WEE1: variants seen among roughly 807,000 people sequenced by gnomAD.
The protein encoded by WEE1 is wee1-like protein kinase.
A neutral mutation model predicts 68.8 loss-of-function variants in WEE1; 16 were observed. That is an observed-to-expected ratio of 0.23 (90% confidence interval 0.16 to 0.35). The LOEUF is 0.35. WEE1 is among the 10% of genes least tolerant of loss of function. WEE1 has a pLI of 1.00. For synonymous variants in WEE1, 349 were observed against 318.7 expected (o/e 1.09, Z -1.01); for missense variants, 651 against 824.1 (o/e 0.79, Z 2.57).
chr11:9,583,388 G>A (rs1342928577), intron 6 of WEE1, among the ~76,000 whole-genome samples: 1 of 152,010 alleles, frequency 6.6e-6, no homozygotes, highest in Non-Finnish European at 1.5e-5. Context: ...GCTGAGGCGG[G>A]TGGATTGCCT....
rs1319947021 is a variant in WEE1, at chr11:9,574,015, T to C, written c.82T>C (p.Ser28Pro). The C allele has an allele frequency of 7.8e-7, 1 of 1,285,200 alleles. No individual in the cohort carries two copies. Among genetic ancestry groups the C allele is most frequent in the Non-Finnish European group, 9.8e-7 (1 of 1,015,320 alleles). 79.6% of individuals were successfully genotyped at this position (1,285,200 alleles called of 1,614,324 possible). A position where few individuals can be genotyped will look rare whatever the true frequency, so the allele number is the denominator to read the frequency against. Reference sequence around the variant, plus strand: ...CACCTTGCGGCAGAAGCTGATCTTCTCGCCCTGCAGCGACTGTGAGGAGGA... The same window carrying C: ...CACCTTGCGGCAGAAGCTGATCTTCCCGCCCTGCAGCGACTGTGAGGAGGA... Reference protein sequence around the residue: ...ACTLRQKLIFSPCSDCEEEEE... With the variant: ...ACTLRQKLIFPPCSDCEEEEE... Residue 28 changes from serine to proline, a missense_variant, in exon 1 of 11, where the codon TCG (serine) becomes CCG (proline). Coordinates refer to ENST00000450114, the MANE Select transcript of WEE1 (RefSeq NM_003390.4). The surrounding 1 kb of genome is among the most constrained non-coding windows in gnomAD (Gnocchi z 4.9).
In WEE1 at chr11:9,588,818, A is replaced by AC. The variant is rs1849731059; in HGVS notation, c.*217dup. On this transcript the variant is annotated 3_prime_UTR_variant, in exon 11 of 11. Coordinates refer to ENST00000450114, the MANE Select transcript of WEE1 (RefSeq NM_003390.4). The stretch of plus-strand genomic sequence containing the variant: ...CAGTCTGTCTTCTGTAGGATGTGTC[A>AC]CTGTTGGATGTTACACCAGCCTTTC... 1 of 1,147,678 alleles carries AC rather than the reference A, an allele frequency of 8.7e-7. No individual in the cohort carries two copies. The highest frequency in any genetic ancestry group is 1.6e-5 in the African/African-American group (1 of 62,000). The allele number at this position is 1,147,678 out of a possible 1,614,324, so 71.1% of individuals were successfully genotyped here.
chr11:9,583,320 G>GA (rs1327764629), intron 6 of WEE1, among the ~76,000 whole-genome samples: 16 of 141,740 alleles, frequency 1.1e-4, no homozygotes, highest in East Asian at 8.5e-4. Flanking sequence ...CTCAAAAAAA[G>GA]AAAAAAAAAA....
At position 9,576,109 on chromosome 11, in the gene WEE1, AAC is replaced by A; in HGVS notation, c.782+18_782+19del. 1 of 1,613,498 alleles carries A rather than the reference AAC, an allele frequency of 6.2e-7. No homozygotes were observed. Among genetic ancestry groups the A allele is most frequent in the Non-Finnish European group, 8.5e-7 (1 of 1,179,520 alleles). ...ATTGGAATGAGTAAGTCGTTTATTT[AAC>A]AGTTTGGTTCTCCAAATAACCTAAG... On this transcript the variant is annotated intron_variant, in intron 2 of 10. Coordinates refer to ENST00000450114, the MANE Select transcript of WEE1 (RefSeq NM_003390.4). The surrounding 1 kb of genome is among the most constrained non-coding windows in gnomAD (Gnocchi z 4.3).
chr11:9,576,434 A>G lies in WEE1; in HGVS notation c.847-53A>G. ...CATAGCCCTATCACCATAGCAAGAA[A>G]TAACTGTTTTCGTATATTTGTATTA... On this transcript the variant is annotated intron_variant, in intron 3 of 10. Coordinates refer to ENST00000450114, the MANE Select transcript of WEE1 (RefSeq NM_003390.4). This position sits in a 1 kb window ranked among gnomAD's most constrained non-coding sequence, Gnocchi z 4.3. 2 of 1,585,002 alleles carry G rather than the reference A, an allele frequency of 1.3e-6. No homozygotes were observed. The highest frequency in any genetic ancestry group is 1.2e-5 in the South Asian group (1 of 86,532).
At position 9,576,216 on chromosome 11, in the gene WEE1, A is replaced by C; in HGVS notation, c.783-14A>C. 2 of 1,545,432 alleles carry C rather than the reference A, an allele frequency of 1.3e-6. No homozygotes were observed. The highest frequency in any genetic ancestry group is 1.8e-6 in the Non-Finnish European group (2 of 1,138,180). Reference sequence around the variant, plus strand: ...CTGTCAGATATATTGATAGAAAAATAACATTTTTTTTAGTTCCTGTGGTGA... The same window carrying C: ...CTGTCAGATATATTGATAGAAAAATCACATTTTTTTTAGTTCCTGTGGTGA... On this transcript the variant is annotated splice_polypyrimidine_tract_variant and intron_variant, in intron 2 of 10. Coordinates refer to ENST00000450114, the MANE Select transcript of WEE1 (RefSeq NM_003390.4). The surrounding 1 kb of genome is among the most constrained non-coding windows in gnomAD (Gnocchi z 4.3).
At chr11:9,583,782 CACACACACACACACACACACAT>C (rs1849661684) in intron 6 of WEE1, among the ~76,000 whole-genome samples, 18 of 31,890 alleles carry the variant, frequency 5.6e-4, no homozygotes, top group East Asian at 3.9e-3. Flanking sequence ...CACACACACA[CACACACACACACACACACACAT>C]ATATATATAT....
intron 5 of WEE1, chr11:9,577,524 G>C (rs576190095): frequency 2.3e-4 from 95 of 409,154 alleles, no homozygotes; most frequent in African/African-American, 1.8e-3. Context: ...CTATGGCCTC[G>C]ACACATATAT....
At chr11:9,580,652 T>C (rs1194722043) in intron 5 of WEE1, 1 of 152,058 alleles carries the variant, frequency 6.6e-6, no homozygotes, top group East Asian at 1.9e-4. Context: ...GAAACGGGGT[T>C]TCGCCATGTT....
rs1226701639 is a variant in WEE1 at position 9,574,379 on chromosome 11, C to G, written c.446C>G (p.Ala149Gly). The G allele has an allele frequency of 9.0e-6, 11 of 1,220,624 alleles. No homozygotes were observed. Among genetic ancestry groups the G allele is most frequent in the Non-Finnish European group, 1.1e-5 (11 of 983,410 alleles). 75.6% of individuals were successfully genotyped at this position (1,220,624 alleles called of 1,614,324 possible). A position where few individuals can be genotyped will look rare whatever the true frequency, so the allele number is the denominator to read the frequency against. ...SPVRCGGPGD[A>G]SPRGCGARRA... ...GTGCGCTGCGGCGGCCCAGGAGATGCGTCGCCGCGGGGTTGCGGGGCGCGC... is the reference window on the plus strand; with the variant it reads ...GTGCGCTGCGGCGGCCCAGGAGATGGGTCGCCGCGGGGTTGCGGGGCGCGC... Residue 149 changes from alanine to glycine, a missense_variant, in exon 1 of 11, where the codon GCG becomes GGG. Around this residue, in one of 5 missense-constraint regions of WEE1, gnomAD observed 395 missense variants for 378.4 expected, o/e 1.04. Coordinates refer to ENST00000450114, the MANE Select transcript of WEE1 (RefSeq NM_003390.4). The surrounding 1 kb of genome is among the most constrained non-coding windows in gnomAD (Gnocchi z 4.9).
At chr11:9,587,152 G>T (rs1849709799) in intron 10 of WEE1, among the ~76,000 whole-genome samples, 1 of 152,050 alleles carries the variant, frequency 6.6e-6, no homozygotes, top group Non-Finnish European at 1.5e-5. Flanking sequence ...TAGAGATGGG[G>T]TTTTTGCCAT....
intron 6 of WEE1, among the ~76,000 whole-genome samples, chr11:9,582,826 A>T (rs976487363): frequency 1.3e-5 from 2 of 152,114 alleles, no homozygotes; most frequent in African/African-American, 2.4e-5. Context: ...TGGCCTCCCA[A>T]AGTGCTGAGA....
intron 6 of WEE1, among the ~76,000 whole-genome samples, chr11:9,583,626 A>C (rs1351177325): frequency 2.0e-5 from 3 of 150,794 alleles, no homozygotes; most frequent in Non-Finnish European, 4.4e-5. Flanking sequence ...AAAAAAAAAA[A>C]AAAACCTTCC....
In WEE1 at chr11:9,574,671, G is replaced by T. The variant is rs1565086750; in HGVS notation, c.576+162G>T. 9.1e-7 allele frequency: 1 copy of T among 1,104,470 alleles called. No homozygotes were observed. Among genetic ancestry groups the T allele is most frequent in the African/African-American group, 1.7e-5 (1 of 60,252 alleles). 68.4% of individuals were successfully genotyped at this position (1,104,470 alleles called of 1,614,324 possible). On this transcript the variant is annotated intron_variant, in intron 1 of 10. Coordinates refer to ENST00000450114, the MANE Select transcript of WEE1 (RefSeq NM_003390.4). The surrounding 1 kb of genome is among the most constrained non-coding windows in gnomAD (Gnocchi z 4.9). ...CCCTTGTGTTTGGCCCTGCCCCGAG[G>T]TTGTCCGTTGAGATTATGTAACTGA...
chr11:9,573,779 A>T lies in WEE1; in HGVS notation c.-155A>T. On this transcript the variant is annotated 5_prime_UTR_variant, in exon 1 of 11. Coordinates refer to ENST00000450114, the MANE Select transcript of WEE1 (RefSeq NM_003390.4). ...CGCTGCCGCCACCGTCCGCAGCCCGAGCGCCCCGGAGCCGCAGGCCGCCGC... is the reference window on the plus strand; with the variant it reads ...CGCTGCCGCCACCGTCCGCAGCCCGTGCGCCCCGGAGCCGCAGGCCGCCGC... 1 of 462,246 alleles carries T rather than the reference A, an allele frequency of 2.2e-6. No individual in the cohort carries two copies. Among genetic ancestry groups the T allele is most frequent in the Non-Finnish European group, 3.1e-6 (1 of 326,690 alleles). 28.6% of individuals were successfully genotyped at this position (462,246 alleles called of 1,614,324 possible). A position where few individuals can be genotyped will look rare whatever the true frequency, so the allele number is the denominator to read the frequency against.
intron 8 of WEE1, 37 bp downstream of exon 8, chr11:9,585,564 TA>T (rs775950178): frequency 1.8e-5 from 27 of 1,476,278 alleles, no homozygotes; most frequent in Non-Finnish European, 2.4e-5. Context: ...GTTTGCTTTG[TA>T]ACACTTAGCA....
In WEE1 at chr11:9,574,480, C is replaced by T; in HGVS notation, c.547C>T (p.Arg183Ter). The T allele has an allele frequency of 1.6e-6, 2 of 1,258,172 alleles. No homozygotes were observed. Among genetic ancestry groups the T allele is most frequent in the African/African-American group, 1.6e-5 (1 of 63,364 alleles). The allele number at this position is 1,258,172 out of a possible 1,614,324, so 77.9% of individuals were successfully genotyped here. The change falls in exon 1 of 11, where the codon CGA (arginine) becomes TGA (stop). Residue 183 changes from arginine to a stop codon, truncating the protein, a stop_gained. Coordinates refer to ENST00000450114, the MANE Select transcript of WEE1 (RefSeq NM_003390.4). LOFTEE classifies it high-confidence loss of function. The surrounding 1 kb of genome is among the most constrained non-coding windows in gnomAD (Gnocchi z 4.9). Reference protein sequence around the residue: ...TPPHKTFRKLRLFDTPHTPKS... With the variant: ...TPPHKTFRKL ...GCCACACAAGACCTTCCGCAAGCTG[C>T]GACTCTTCGACACCCCGCACACGCC...
In WEE1 at chr11:9,588,624, C is replaced by G; in HGVS notation, c.*22C>G. 5 of 1,506,788 alleles carry G rather than the reference C, an allele frequency of 3.3e-6. No individual in the cohort carries two copies. Among genetic ancestry groups the G allele is most frequent in the South Asian group, 1.3e-5 (1 of 74,312 alleles). The allele number at this position is 1,506,788 out of a possible 1,614,324, so 93.3% of individuals were successfully genotyped here. ...CTGAGCTACTCCTTTCCCACCTCCC[C>G]CTGAACACTGTGACAAGAGGAAGCT... On this transcript the variant is annotated 3_prime_UTR_variant, in exon 11 of 11. Coordinates refer to ENST00000450114, the MANE Select transcript of WEE1 (RefSeq NM_003390.4).
chr11:9,576,787 C>T lies in WEE1; in HGVS notation c.1019+128C>T, dbSNP rs1419458345. On this transcript the variant is annotated intron_variant, in intron 4 of 10. Transcript: ENST00000450114. The surrounding 1 kb of genome is among the most constrained non-coding windows in gnomAD (Gnocchi z 4.3). ...GAAGCTGTAATGATTTAATCAGGTC[C>T]TTTTCACTTAATACCATCAGTTCTT... The T allele has an allele frequency of 8.2e-6, 8 of 975,148 alleles. No individual in the cohort carries two copies. The South Asian group carries it at 1.1e-4, about 13-fold the overall frequency. The allele number at this position is 975,148 out of a possible 1,614,324, so 60.4% of individuals were successfully genotyped here.
Sources: gnomAD v4.1 joint callset for allele counts (sites outside exome capture counted in the v4.1 genomes callset) on GRCh38, gnomAD v4.1.1 for gene constraint, gnomAD v4.1.1 regional missense constraint, Gnocchi (gnomAD v3.1) non-coding constraint, MANE v1.5 for transcripts, NCBI Gene and HGNC (gene_info 2026-07-23, HGNC 2026-07-21) for gene names.